The following SUN1 variants were observed in gnomAD, a reference collection of about 807,000 sequenced individuals.
SUN1 encodes the protein SUN domain-containing protein 1.
In SUN1, 61 loss-of-function variants were observed where a neutral mutation model predicts 103.2. The ratio of observed to expected loss-of-function variants is 0.59; its 90% CI spans 0.48 to 0.73. SUN1 has a LOEUF of 0.73. Ranked by LOEUF, SUN1 falls within the 30% of genes least tolerant of loss-of-function variation. The probability of loss-of-function intolerance (pLI) is 0.00; values close to 1 mark genes in which losing one functional copy is unlikely to be tolerated. For synonymous variants in SUN1, 490 were observed against 425.7 expected (o/e 1.15, Z -1.86); for missense variants, 1,052 against 1,034.6 (o/e 1.02, Z -0.23).
intron 2 of SUN1, among the ~76,000 whole-genome samples, chr7:841,420 T>A (rs533863840): frequency 6.6e-6 from 1 of 151,444 alleles, no homozygotes; most frequent in South Asian, 2.1e-4. Flanking sequence ...ATTTTTTGTA[T>A]TTTAGTAGAG....
chr7:830,739 C>A (rs1797147411), upstream of SUN1, among the ~76,000 whole-genome samples: 1 of 152,344 alleles, frequency 6.6e-6, no homozygotes, highest in Admixed American at 6.5e-5. Flanking sequence ...CATAGAACTA[C>A]TGAGTTAGCC....
chr7:841,244 A>ATTTTT lies in SUN1; in HGVS notation c.267-689_267-685dup, dbSNP rs370665607. ...CGCCGTACCTGGCCTATGACCACCT[A>ATTTTT]TTTTTTTTTTTTTTTTTGAGCCGGA... is the stretch of plus-strand genomic sequence containing the variant. On this transcript the variant is annotated intron_variant, in intron 2 of 18. Transcript: ENST00000401592. Among the ~76,000 whole-genome samples the ATTTTT allele has an allele frequency of 7.5e-5, 9 of 120,100 alleles. 1 individual carries two copies. In the South Asian group the frequency reaches 1.1e-3, roughly 15 times the overall value. The allele number at this position is 120,100 out of a possible 152,430, so 78.8% of individuals were successfully genotyped here.
chr7:826,476 G>A (rs576564284), intron 1 of SUN1, among the ~76,000 whole-genome samples: 2 of 152,354 alleles, frequency 1.3e-5, no homozygotes, highest in South Asian at 2.1e-4. Flanking sequence ...GTCCACTGCT[G>A]GTAGGCCCTG....
intron 16 of SUN1, chr7:869,098 G>T (rs1839564175): frequency 2.0e-6 from 1 of 505,498 alleles, no homozygotes; most frequent in Non-Finnish European, 3.5e-6. Flanking sequence ...GAAGTATGTT[G>T]TATGTCTCAC....
chr7:860,121 T>C lies in SUN1; in HGVS notation c.1525-7T>C, dbSNP rs371327765. 6.2e-7 allele frequency: 1 copy of C among 1,613,234 alleles called. No individual in the cohort carries two copies. Among genetic ancestry groups the C allele is most frequent in the East Asian group, 2.2e-5 (1 of 44,854 alleles). On this transcript the variant is annotated splice_region_variant and splice_polypyrimidine_tract_variant and intron_variant, in intron 13 of 18. Coordinates refer to ENST00000401592, the MANE Select transcript of SUN1 (RefSeq NM_001130965.3). Reference sequence around the variant, plus strand: ...AGGACATTTGTGTCCGTCTGCTGTTTTACTAGGTGGACGTGCAAGTCAGAG... The same window carrying C: ...AGGACATTTGTGTCCGTCTGCTGTTCTACTAGGTGGACGTGCAAGTCAGAG...
At chr7:825,766 ATCTATT>A (rs1167084752) in intron 1 of SUN1, among the ~76,000 whole-genome samples, 1 of 152,218 alleles carries the variant, frequency 6.6e-6, no homozygotes, top group Non-Finnish European at 1.5e-5. Context: ...TTTGGAAAAC[ATCTATT>A]TCTAAGACAG....
At chr7:843,578 C>T (rs763935702) in intron 5 of SUN1, 58 bp downstream of exon 5, 1 of 1,613,390 alleles carries the variant, frequency 6.2e-7, no homozygotes, top group African/African-American at 1.3e-5. Context: ...TTAATATTTC[C>T]TTTCTGTAAG....
At chr7:870,768 A>G (rs539703664) in intron 17 of SUN1, among the ~76,000 whole-genome samples, 34 of 151,430 alleles carry the variant, frequency 2.2e-4, no homozygotes, top group African/African-American at 8.3e-4. Flanking sequence ...TTACACCTTC[A>G]CTAATTAATT....
chr7:848,953 A>C (rs1215870886), intron 5 of SUN1, among the ~76,000 whole-genome samples: 1 of 152,134 alleles, frequency 6.6e-6, no homozygotes. Context: ...GTTTTTTCAG[A>C]ACTTTTTTTC....
intron 13 of SUN1, 48 bp from the exon 14 acceptor site, chr7:860,080 G>A (rs1220892179): frequency 6.2e-7 from 1 of 1,600,526 alleles, no homozygotes; most frequent in Admixed American, 1.7e-5. Context: ...AACAGTGGAA[G>A]TGATTTAGTT....
chr7:816,521 C>T (rs1288921762), upstream of SUN1: 2 of 337,854 alleles, frequency 5.9e-6, no homozygotes, highest in African/African-American at 4.6e-5. Context: ...CGTCATTGGC[C>T]AGAACGCTTC....
chr7:831,192 G>A (rs1436933779), upstream of SUN1, among the ~76,000 whole-genome samples: 1 of 152,082 alleles, frequency 6.6e-6, no homozygotes, highest in Admixed American at 6.5e-5. Flanking sequence ...CCGAGCAAGT[G>A]TGAACTGGAC....
At chr7:843,263 A>T in intron 4 of SUN1, 31 bp downstream of exon 4, 1 of 1,606,790 alleles carries the variant, frequency 6.2e-7, no homozygotes. Context: ...ATCTTCATAT[A>T]CTTTTCAAAA....
upstream of SUN1, among the ~76,000 whole-genome samples, chr7:828,911 C>T (rs899518174): frequency 1.3e-5 from 2 of 152,234 alleles, no homozygotes; most frequent in African/African-American, 4.8e-5. Context: ...TTCTGAGGCC[C>T]AGCTCCTATT....
At chr7:848,579 T>C (rs781181555) in intron 5 of SUN1, 6 of 1,350,650 alleles carry the variant, frequency 4.4e-6, no homozygotes, top group Non-Finnish European at 5.9e-6. Context: ...AGATTGTGAA[T>C]CCGAAAGCTA....
At chr7:855,648 G>A (rs6461461) in intron 11 of SUN1, among the ~76,000 whole-genome samples, 54,025 of 152,094 alleles carry the variant, frequency 0.36, 10,170 homozygotes, top group Middle Eastern at 0.42. Flanking sequence ...CCTGGACCTT[G>A]GACCCTGTGA....
At chr7:856,168 C>G (rs1261932052) in intron 11 of SUN1, among the ~76,000 whole-genome samples, 190 bp from the exon 12 acceptor site, 2 of 152,240 alleles carry the variant, frequency 1.3e-5, no homozygotes, top group Non-Finnish European at 2.9e-5. Context: ...GTGCTCCTTT[C>G]TGCGCACACG....
chr7:869,123 G>T, intron 16 of SUN1: 1 of 560,110 alleles, frequency 1.8e-6, no homozygotes, highest in Admixed American at 3.3e-5. Flanking sequence ...TTTTCTTTAA[G>T]GTTCTGGTCG....
At chr7:832,196 C>A, upstream of SUN1, 2 of 750,366 alleles carry the variant, frequency 2.7e-6, no homozygotes, top group Non-Finnish European at 3.6e-6. Context: ...TTGAAGAGAG[C>A]TCTGAGTTTC....
Sources: allele counts gnomAD v4.1 joint callset (sites outside exome capture counted in the v4.1 genomes callset), GRCh38; gene constraint gnomAD v4.1.1; transcripts MANE v1.5; gene names NCBI Gene and HGNC (gene_info 2026-07-23, HGNC 2026-07-21).